ASIC2: variants seen among roughly 807,000 people sequenced by gnomAD.
The protein encoded by ASIC2 is acid-sensing ion channel 2.
Under a neutral mutation model 57.3 loss-of-function variants are expected in ASIC2, and 25 were observed. That is an observed-to-expected ratio of 0.44 (90% CI 0.32 to 0.61). The LOEUF (loss-of-function observed/expected upper bound fraction) is 0.61, where lower values mean the gene tolerates loss of function less well. Among genes scored for constraint, ASIC2 ranks in the 20% least tolerant of loss-of-function variants. The probability of loss-of-function intolerance (pLI) is 0.06; values close to 1 mark genes in which losing one functional copy is unlikely to be tolerated. For synonymous variants in ASIC2, 319 were observed against 307.5 expected (o/e 1.04, Z -0.39); for missense variants, 641 against 738.1 (o/e 0.87, Z 1.52).
chr17:33,276,889 T>C (rs1409189235), intron 1 of ASIC2, among the ~76,000 whole-genome samples: 1 of 152,070 alleles, frequency 6.6e-6, no homozygotes, highest in Admixed American at 6.6e-5. Flanking sequence ...AATGGCAGGG[T>C]TGATATGCAC....
intron 1 of ASIC2, among the ~76,000 whole-genome samples, chr17:33,781,266 A>C (rs1911444849): frequency 6.6e-6 from 1 of 152,210 alleles, no homozygotes; most frequent in African/African-American, 2.4e-5. Flanking sequence ...CCACTGGACC[A>C]TGCTAAAGAG....
chr17:33,039,488 T>C (rs1055886442), intron 3 of ASIC2, among the ~76,000 whole-genome samples: 3 of 152,154 alleles, frequency 2.0e-5, no homozygotes, highest in African/African-American at 7.2e-5. Flanking sequence ...CTGGGGGACA[T>C]TGGACAAATG....
intron 1 of ASIC2, among the ~76,000 whole-genome samples, chr17:33,681,601 C>CAAGG (rs1374734942): frequency 1.3e-5 from 2 of 152,186 alleles, no homozygotes; most frequent in East Asian, 3.9e-4. Context: ...CAGCAGTGAG[C>CAAGG]AAGGCTCTGC....
At chr17:33,237,302 A>G (rs172772) in intron 1 of ASIC2, among the ~76,000 whole-genome samples, 152,223 of 152,224 alleles carry the variant, frequency 1, 76,111 homozygotes, top group Non-Finnish European at 1. Context: ...TTGTGGTGGG[A>G]GAAGGTATTG....
intron 1 of ASIC2, among the ~76,000 whole-genome samples, chr17:33,643,385 C>T (rs1171229660): frequency 1.3e-5 from 2 of 152,190 alleles, no homozygotes; most frequent in African/African-American, 4.8e-5. Flanking sequence ...TATTTTACTT[C>T]TTCTCCTTTC....
intron 1 of ASIC2, among the ~76,000 whole-genome samples, chr17:33,435,610 G>T (rs1330608527): frequency 6.6e-6 from 1 of 152,060 alleles, no homozygotes; most frequent in Admixed American, 6.6e-5. Context: ...TAAATAAAGG[G>T]GACGGATCAA....
At chr17:34,067,841 A>G (rs1909227981) in intron 1 of ASIC2, among the ~76,000 whole-genome samples, 3 of 152,348 alleles carry the variant, frequency 2.0e-5, no homozygotes, top group Middle Eastern at 3.4e-3. Context: ...CCAGAATGGG[A>G]ATCTGTAATA....
At chr17:33,973,266 C>A (rs1905273094) in intron 1 of ASIC2, among the ~76,000 whole-genome samples, 1 of 152,152 alleles carries the variant, frequency 6.6e-6, no homozygotes, top group Non-Finnish European at 1.5e-5. Context: ...ATGCTAGGAG[C>A]CAAGGATTTA....
At chr17:33,274,267 C>T (rs949458329) in intron 1 of ASIC2, among the ~76,000 whole-genome samples, 6 of 152,216 alleles carry the variant, frequency 3.9e-5, no homozygotes, top group Non-Finnish European at 7.3e-5. Flanking sequence ...TCTGCTCCAA[C>T]ACCTACTTGC....
chr17:33,063,544 T>C (rs1276827110), intron 3 of ASIC2, among the ~76,000 whole-genome samples: 1 of 152,244 alleles, frequency 6.6e-6, no homozygotes, highest in Admixed American at 6.5e-5. Context: ...GTTAGTCTGA[T>C]GGGCTTCCCT....
In ASIC2 at chr17:34,121,675, G is replaced by A. The variant is rs1009526677; in HGVS notation, c.555+34303C>T. ...TCCGAGTCTTCAGGACATTGACAAA[G>A]GAGTCTAAGCTCAAGATACTTCATG... On this transcript the variant is annotated intron_variant, in intron 1 of 9. Transcript: ENST00000359872. 1.4e-4 allele frequency among the ~76,000 whole-genome samples: 21 copies of A among 152,228 alleles called. No individual in the cohort carries two copies. The East Asian group carries it at 3.3e-3, about 24-fold the overall frequency.
Position 33,701,253 on chromosome 17 carries a change from T to C in ASIC2, c.555+454725A>G, listed in dbSNP as rs112155815. ...GTGTGTGGTGGGCGGAGGGGGCATA[T>C]GAGGACTGTCCTTGCTGGAGTGGAA... On this transcript the variant is annotated intron_variant, in intron 1 of 9. Transcript: ENST00000359872. Among the ~76,000 whole-genome samples the C allele has an allele frequency of 8.5e-4, 129 of 152,246 alleles. 2 individuals are homozygous for C. The highest frequency in any genetic ancestry group is 3.0e-3 in the African/African-American group (124 of 41,546).
chr17:33,292,865 C>G lies in ASIC2; in HGVS notation c.-750G>C. On this transcript the variant is annotated 5_prime_UTR_variant, in exon 1 of 10. Coordinates refer to ENST00000225823, the MANE Select transcript of ASIC2 (RefSeq NM_183377.2). ...AGTCCTGCGCCTAAGTCCTGCCAGG[C>G]GCCCGCTCTCGCCTGGGGCTGAGAG... is the stretch of plus-strand genomic sequence containing the variant. The G allele has an allele frequency of 1.0e-6, 1 of 985,530 alleles. No homozygotes were observed. Among genetic ancestry groups the G allele is most frequent in the Non-Finnish European group, 1.2e-6 (1 of 829,998 alleles). 61.0% of individuals were successfully genotyped at this position (985,530 alleles called of 1,614,324 possible).
At chr17:33,749,897 AC>A (rs1567705621) in intron 1 of ASIC2, among the ~76,000 whole-genome samples, 1 of 151,484 alleles carries the variant, frequency 6.6e-6, no homozygotes, top group African/African-American at 2.4e-5. Flanking sequence ...CATGCTGCCA[AC>A]TCCAAGGCTG....
chr17:33,519,739 G>T (rs981445037), intron 1 of ASIC2, among the ~76,000 whole-genome samples: 2 of 152,210 alleles, frequency 1.3e-5, no homozygotes, highest in African/African-American at 4.8e-5. Flanking sequence ...TTTTTAAGGA[G>T]AGTGGGAATA....
rs144191047 is a variant in ASIC2 at position 34,111,770 on chromosome 17, C to A, written c.555+44208G>T. ...TTTCTATGTATGAACATCTTCACTG[C>A]GGCATTATTTATGATAGCAAAAGCT... is the stretch of plus-strand genomic sequence containing the variant. On this transcript the variant is annotated intron_variant, in intron 1 of 9. Transcript: ENST00000359872. Among the ~76,000 whole-genome samples, 287 of 152,230 alleles carry A rather than the reference C, an allele frequency of 1.9e-3. 3 individuals carry two copies. The highest frequency in any genetic ancestry group is 6.5e-3 in the African/African-American group (269 of 41,544).
chr17:33,477,456 C>G (rs899625755), intron 1 of ASIC2, among the ~76,000 whole-genome samples: 2 of 152,212 alleles, frequency 1.3e-5, no homozygotes, highest in Admixed American at 6.5e-5. Flanking sequence ...GACTTCCTCT[C>G]TGGGCCTCAC....
intron 3 of ASIC2, among the ~76,000 whole-genome samples, chr17:33,071,889 G>A (rs2092070746): frequency 6.6e-6 from 1 of 152,172 alleles, no homozygotes; most frequent in Non-Finnish European, 1.5e-5. Context: ...GTAGGAATAG[G>A]CACTATTCCC....
At chr17:34,027,994 G>T (rs1480181142) in intron 1 of ASIC2, among the ~76,000 whole-genome samples, 1 of 152,176 alleles carries the variant, frequency 6.6e-6, no homozygotes, top group Non-Finnish European at 1.5e-5. Flanking sequence ...AGACAGCCCA[G>T]GGCAGCAGGT....
Sources: allele counts gnomAD v4.1 joint callset (sites outside exome capture counted in the v4.1 genomes callset), GRCh38; gene constraint gnomAD v4.1.1; transcripts MANE v1.5; gene names NCBI Gene and HGNC (gene_info 2026-07-23, HGNC 2026-07-21).